The following DIAPH3 variants were observed in gnomAD, a reference collection of about 807,000 sequenced individuals.
DIAPH3 encodes the protein diaphanous related formin 3.
A neutral mutation model predicts 144.3 loss-of-function variants in DIAPH3; 117 were observed. The observed-to-expected ratio is 0.81, with a 90% CI of 0.70 to 0.95. The LOEUF (loss-of-function observed/expected upper bound fraction) is 0.95, where lower values mean the gene tolerates loss of function less well. Ranked by LOEUF, DIAPH3 falls within the 40% of genes least tolerant of loss-of-function variation. DIAPH3 has a pLI of 0.00. For missense variants in DIAPH3, 1,421 were observed against 1,412.7 expected, an observed-to-expected ratio of 1.01 and a Z score of -0.09; for synonymous variants, 519 against 488.9, an observed-to-expected ratio of 1.06 and a Z score of -0.81.
chr13:59,732,298 A>G (rs2035927708), intron 27 of DIAPH3, among the ~76,000 whole-genome samples: 1 of 151,816 alleles, frequency 6.6e-6, no homozygotes, highest in Non-Finnish European at 1.5e-5. Flanking sequence ...CCCCCTTAAT[A>G]CCAACTTAAA....
At chr13:59,745,957 C>T (rs2036680591) in intron 27 of DIAPH3, among the ~76,000 whole-genome samples, 1 of 152,106 alleles carries the variant, frequency 6.6e-6, no homozygotes, top group Non-Finnish European at 1.5e-5. Flanking sequence ...TATTTCTAAT[C>T]ACTAGTTCAT....
At chr13:59,947,552 G>A (rs1288353228) in intron 17 of DIAPH3, among the ~76,000 whole-genome samples, 2 of 152,052 alleles carry the variant, frequency 1.3e-5, no homozygotes, top group Admixed American at 1.3e-4. Flanking sequence ...AGGAGGAAGA[G>A]AAGAGTTTCA....
At chr13:59,988,467 C>T (rs1309883981) in intron 12 of DIAPH3, among the ~76,000 whole-genome samples, 4 of 151,738 alleles carry the variant, frequency 2.6e-5, no homozygotes, top group Admixed American at 1.3e-4. Context: ...TAAGTTTTTC[C>T]TCAACTCCAC....
At chr13:60,117,417 T>A (rs2058729851) in intron 2 of DIAPH3, among the ~76,000 whole-genome samples, 1 of 151,760 alleles carries the variant, frequency 6.6e-6, no homozygotes, top group Admixed American at 6.6e-5. Flanking sequence ...AAGAAAAAAA[T>A]AAGGAAAGAA....
intron 9 of DIAPH3, among the ~76,000 whole-genome samples, chr13:59,998,236 G>A (rs2052322981): frequency 6.6e-6 from 1 of 152,026 alleles, no homozygotes; most frequent in Non-Finnish European, 1.5e-5. Flanking sequence ...GGATACTAAA[G>A]AACAAACTTG....
At chr13:60,036,188 A>T (rs998544906) in intron 5 of DIAPH3, among the ~76,000 whole-genome samples, 1 of 152,212 alleles carries the variant, frequency 6.6e-6, no homozygotes, top group African/African-American at 2.4e-5. Flanking sequence ...AACAATCTTC[A>T]ATCTGTCAGT....
chr13:59,936,347 A>G (rs1043337475), intron 17 of DIAPH3, among the ~76,000 whole-genome samples: 2 of 152,184 alleles, frequency 1.3e-5, no homozygotes, highest in Non-Finnish European at 2.9e-5. Flanking sequence ...TGCTCATCTC[A>G]AAAGTACGAC....
intron 17 of DIAPH3, among the ~76,000 whole-genome samples, chr13:59,940,621 T>C (rs555114973): frequency 4.5e-4 from 69 of 152,342 alleles, no homozygotes; most frequent in African/African-American, 1.7e-3. Context: ...CTTGAATTTC[T>C]GTAAGACTCA....
At chr13:59,760,542 G>A (rs1440277384) in intron 27 of DIAPH3, among the ~76,000 whole-genome samples, 2 of 152,036 alleles carry the variant, frequency 1.3e-5, no homozygotes, top group African/African-American at 2.4e-5. Context: ...AAACCCTAAC[G>A]GTATTTACTA....
At chr13:60,080,350 T>C (rs1411066172) in intron 4 of DIAPH3, among the ~76,000 whole-genome samples, 1 of 151,908 alleles carries the variant, frequency 6.6e-6, no homozygotes, top group South Asian at 2.1e-4. Flanking sequence ...TAGAAATTGA[T>C]GAGTTTAATT....
At chr13:59,894,756 A>T (rs1024733886) in intron 20 of DIAPH3, among the ~76,000 whole-genome samples, 1 of 152,118 alleles carries the variant, frequency 6.6e-6, no homozygotes, top group African/African-American at 2.4e-5. Flanking sequence ...AAGGAAACTT[A>T]TAACAATATT....
chr13:59,675,750 T>G (rs2032616961), intron 27 of DIAPH3, among the ~76,000 whole-genome samples: 1 of 152,224 alleles, frequency 6.6e-6, no homozygotes, highest in African/African-American at 2.4e-5. Flanking sequence ...CCACACAGGC[T>G]TTGCTATTTG....
At chr13:59,954,036 G>T (rs879709283) in intron 17 of DIAPH3, among the ~76,000 whole-genome samples, 3 of 152,146 alleles carry the variant, frequency 2.0e-5, no homozygotes, top group Non-Finnish European at 4.4e-5. Context: ...TGACACCAAG[G>T]TCCATTCCAT....
At chr13:60,068,053 A>G (rs985633185) in intron 4 of DIAPH3, among the ~76,000 whole-genome samples, 2 of 152,152 alleles carry the variant, frequency 1.3e-5, no homozygotes, top group Non-Finnish European at 2.9e-5. Flanking sequence ...TATTATTCAA[A>G]TTCATTCTTT....
intron 27 of DIAPH3, among the ~76,000 whole-genome samples, chr13:59,767,941 T>C (rs765029480): frequency 4.6e-5 from 7 of 152,212 alleles, no homozygotes; most frequent in East Asian, 1.9e-4. Context: ...AAGGTTGTCC[T>C]GCCCTGACTA....
chr13:59,740,455 T>C (rs1452843608), intron 27 of DIAPH3, among the ~76,000 whole-genome samples: 1 of 152,222 alleles, frequency 6.6e-6, no homozygotes, highest in Non-Finnish European at 1.5e-5. Context: ...GTAAGTGATG[T>C]CTGAGAATAT....
intron 3 of DIAPH3, among the ~76,000 whole-genome samples, chr13:60,099,396 G>A (rs1215728476): frequency 6.6e-6 from 1 of 152,148 alleles, no homozygotes; most frequent in Non-Finnish European, 1.5e-5. Context: ...TGTAGACATG[G>A]TGGGATGCGA....
intron 1 of DIAPH3, among the ~76,000 whole-genome samples, chr13:60,139,047 T>A (rs920259720): frequency 6.6e-6 from 1 of 152,156 alleles, no homozygotes; most frequent in Non-Finnish European, 1.5e-5. Flanking sequence ...CAACACCAAT[T>A]ATAAAGACTA....
intron 17 of DIAPH3, among the ~76,000 whole-genome samples, chr13:59,942,933 A>G (rs1043220316): frequency 2.6e-5 from 4 of 152,208 alleles, no homozygotes; most frequent in Non-Finnish European, 5.9e-5. Context: ...ATAATAATTT[A>G]GCTATTTTCC....
Sources: allele counts gnomAD v4.1 joint callset (sites outside exome capture counted in the v4.1 genomes callset), GRCh38; gene constraint gnomAD v4.1.1; transcripts MANE v1.5; gene names NCBI Gene and HGNC (gene_info 2026-07-23, HGNC 2026-07-21).